The following ZFP37 variants were observed in gnomAD, a reference collection of about 807,000 sequenced individuals.
ZFP37 encodes the protein zinc finger protein 37 homolog.
A neutral mutation model predicts 52.1 loss-of-function variants in ZFP37; 38 were observed. That is an observed-to-expected ratio of 0.73 (90% CI 0.56 to 0.96). The LOEUF is 0.96. Ranked by LOEUF, ZFP37 falls within the 40% of genes least tolerant of loss-of-function variation. ZFP37 has a pLI of 0.00. For synonymous variants in ZFP37, 253 were observed against 259.5 expected, an observed-to-expected ratio of 0.98 and a Z score of 0.24; for missense variants, 695 against 741.4, an observed-to-expected ratio of 0.94 and a Z score of 0.73.
In ZFP37 at chr9:113,056,557, C is replaced by A; in HGVS notation, c.132G>T (p.Ala44=). ...CACCCTGTCTCATCACAGCTCTCAC[C>A]GCGGCGCTGGCCTCGGGCTCGGACA... The part of the protein sequence containing the change: ...MAVSEPEASA[A]EWKQLDPAQS... Residue 44 remains alanine, a splice_region_variant and synonymous_variant, in exon 1 of 4, where the codon GCG becomes GCT. Transcript: ENST00000374227. The A allele has an allele frequency of 6.2e-7, 1 of 1,613,448 alleles. No individual in the cohort carries two copies. Among genetic ancestry groups the A allele is most frequent in the Non-Finnish European group, 8.5e-7 (1 of 1,179,910 alleles).
intron 1 of ZFP37, among the ~76,000 whole-genome samples, chr9:113,054,305 C>G (rs1259884207): frequency 6.6e-6 from 1 of 152,136 alleles, no homozygotes; most frequent in Non-Finnish European, 1.5e-5. Context: ...AATGGGCACC[C>G]CTTATTCTCT....
rs1157016703 is a variant in ZFP37 at position 113,041,979 on chromosome 9, A to T, written c.*746T>A. 2 of 152,294 alleles carry T rather than the reference A, an allele frequency of 1.3e-5. No individual in the cohort carries two copies. The highest frequency in any genetic ancestry group is 3.9e-4 in the East Asian group (2 of 5,188). 9.4% of individuals were successfully genotyped at this position (152,294 alleles called of 1,614,324 possible). A position where few individuals can be genotyped will look rare whatever the true frequency, so the allele number is the denominator to read the frequency against. Reference sequence around the variant, plus strand: ...TTTATTCTGTATTTTTTCAAAGTCTATTCACATACAGATACATGTATATAT... The same window carrying T: ...TTTATTCTGTATTTTTTCAAAGTCTTTTCACATACAGATACATGTATATAT... On this transcript the variant is annotated 3_prime_UTR_variant, in exon 4 of 4. Coordinates refer to ENST00000374227, the MANE Select transcript of ZFP37 (RefSeq NM_003408.3).
chr9:113,055,058 T>A (rs752592234), intron 1 of ZFP37, among the ~76,000 whole-genome samples: 2 of 152,238 alleles, frequency 1.3e-5, no homozygotes, highest in Admixed American at 6.5e-5. Context: ...GATACCTTCC[T>A]ACCACTATGA....
At chr9:113,051,464 G>C (rs926207892) in intron 1 of ZFP37, among the ~76,000 whole-genome samples, 5 of 151,798 alleles carry the variant, frequency 3.3e-5, no homozygotes, top group African/African-American at 4.8e-5. Context: ...GCAGTGGGGT[G>C]GGGGAGCAGA....
In ZFP37 at chr9:113,038,919, TC is replaced by T. The variant is rs1434739207; in HGVS notation, c.*3805del. Reference sequence around the variant, plus strand: ...GGGACTTTGTGGAAAATTTTAATTTTCTTCAATATTGGATTACTCACTTGAT... The same window carrying T: ...GGGACTTTGTGGAAAATTTTAATTTTTTCAATATTGGATTACTCACTTGAT... On this transcript the variant is annotated 3_prime_UTR_variant, in exon 4 of 4. Coordinates refer to ENST00000374227, the MANE Select transcript of ZFP37 (RefSeq NM_003408.3). The T allele has an allele frequency of 6.6e-6, 1 of 152,208 alleles. No homozygotes were observed. Among genetic ancestry groups the T allele is most frequent in the Non-Finnish European group, 1.5e-5 (1 of 68,038 alleles). The allele number at this position is 152,208 out of a possible 1,614,324, so 9.4% of individuals were successfully genotyped here. A position where few individuals can be genotyped will look rare whatever the true frequency, so the allele number is the denominator to read the frequency against.
Position 113,042,682 on chromosome 9 carries a change from C to T in ZFP37, c.*43G>A. ...TTAAAATCAGCATATTTCCAAGGTT[C>T]AACAAAACCTTAAATTTAGTTAACA... On this transcript the variant is annotated 3_prime_UTR_variant, in exon 4 of 4. Transcript: ENST00000374227. 6.7e-7 allele frequency: 1 copy of T among 1,482,364 alleles called. No individual in the cohort carries two copies. The highest frequency in any genetic ancestry group is 9.0e-7 in the Non-Finnish European group (1 of 1,108,446). The allele number at this position is 1,482,364 out of a possible 1,614,324, so 91.8% of individuals were successfully genotyped here. A position where few individuals can be genotyped will look rare whatever the true frequency, so the allele number is the denominator to read the frequency against.
chr9:113,055,647 C>A (rs1268553607), intron 1 of ZFP37, among the ~76,000 whole-genome samples: 1 of 152,130 alleles, frequency 6.6e-6, no homozygotes, highest in Non-Finnish European at 1.5e-5. Context: ...CAATCACTAA[C>A]CTTCACAAAC....
At chr9:113,054,980 A>G (rs1484657489) in intron 1 of ZFP37, among the ~76,000 whole-genome samples, 3 of 152,178 alleles carry the variant, frequency 2.0e-5, no homozygotes, top group Non-Finnish European at 4.4e-5. Context: ...CTTAAACTCA[A>G]TGGCTTCTCA....
rs1237206745 is a variant in ZFP37 at position 113,044,014 on chromosome 9, A to C, written c.604T>G (p.Ser202Ala). The C allele has an allele frequency of 6.2e-7, 1 of 1,613,944 alleles. No individual in the cohort carries two copies. Among genetic ancestry groups the C allele is most frequent in the South Asian group, 1.1e-5 (1 of 91,040 alleles). ...TTCTTGTGTTCTTTAGCTGCATCAG[A>C]TTTCCTTTTTACACAGTTTCTTGAG... ...DHSRNCVKRK[S>A]DAAKEHKKSF... Residue 202 changes from serine (S) to alanine (A), a missense_variant, in exon 4 of 4, where the codon TCT becomes GCT. Physicochemically the swap from Ser to Ala is moderately conservative, Grantham distance 99. This residue lies in a region of ZFP37 where 369 missense variants were observed against 340.9 expected (regional missense o/e 1.08). Coordinates refer to ENST00000374227, the MANE Select transcript of ZFP37 (RefSeq NM_003408.3).
Position 113,040,703 on chromosome 9 carries a change from G to C in ZFP37, c.*2022C>G, listed in dbSNP as rs1222769158. The C allele has an allele frequency of 6.6e-6, 1 of 152,116 alleles. No individual in the cohort carries two copies. Among genetic ancestry groups the C allele is most frequent in the African/African-American group, 2.4e-5 (1 of 41,406 alleles). 9.4% of individuals were successfully genotyped at this position (152,116 alleles called of 1,614,324 possible). Reference sequence around the variant, plus strand: ...TCTAGGTGAAATATTTACTCAACAGGATTGAACATGACTAGACAAGTCCCG... The same window carrying C: ...TCTAGGTGAAATATTTACTCAACAGCATTGAACATGACTAGACAAGTCCCG... On this transcript the variant is annotated 3_prime_UTR_variant, in exon 4 of 4. Coordinates refer to ENST00000374227, the MANE Select transcript of ZFP37 (RefSeq NM_003408.3).
rs967948066 is a variant in ZFP37 at position 113,042,363 on chromosome 9, T to C, written c.*362A>G. ...AACAGATATGCAAATTCAACTCTAA[T>C]ATATGGTGCTTAAGTACAAAACAAG... is the stretch of plus-strand genomic sequence containing the variant. On this transcript the variant is annotated 3_prime_UTR_variant, in exon 4 of 4. Transcript: ENST00000374227. 1 of 179,026 alleles carries C rather than the reference T, an allele frequency of 5.6e-6. No individual in the cohort carries two copies. The highest frequency in any genetic ancestry group is 1.7e-4 in the East Asian group (1 of 6,060). The allele number at this position is 179,026 out of a possible 1,614,324, so 11.1% of individuals were successfully genotyped here.
At chr9:113,051,853 T>C (rs1422254217) in intron 1 of ZFP37, among the ~76,000 whole-genome samples, 1 of 152,172 alleles carries the variant, frequency 6.6e-6, no homozygotes, top group Non-Finnish European at 1.5e-5. Flanking sequence ...GTCACTGGCC[T>C]TCCAATCACT....
chr9:113,049,693 C>T, intron 2 of ZFP37, 98 bp downstream of exon 2: 1 of 1,512,046 alleles, frequency 6.6e-7, no homozygotes, highest in Non-Finnish European at 8.9e-7. Context: ...AAGAAGAAAG[C>T]CCTTTGACCC....
intron 3 of ZFP37, among the ~76,000 whole-genome samples, chr9:113,047,487 C>A (rs1481840680): frequency 6.6e-6 from 1 of 152,008 alleles, no homozygotes; most frequent in East Asian, 1.9e-4. Flanking sequence ...CATGGTGGCT[C>A]ACACCTGTAA....
rs757250018 is a variant in ZFP37 at position 113,049,882 on chromosome 9, A to C, written c.133-10T>G. ...CCAGTTGCTTCCATTCCTTCTGGGT[A>C]AAGGCCATAGTCACATGTTTGAATG... On this transcript the variant is annotated splice_polypyrimidine_tract_variant and intron_variant, in intron 1 of 3. Transcript: ENST00000374227. 4 of 1,614,054 alleles carry C rather than the reference A, an allele frequency of 2.5e-6. No homozygotes were observed. In the South Asian group the frequency reaches 4.4e-5, roughly 18 times the overall value.
At position 113,042,591 on chromosome 9, in the gene ZFP37, A is replaced by T; in HGVS notation, c.*134T>A. ...TTCCATCCACTGATTCTATATGAAG[A>T]TCCATTTTCAAAGTTTCTCATGTAC... On this transcript the variant is annotated 3_prime_UTR_variant, in exon 4 of 4. Coordinates refer to ENST00000374227, the MANE Select transcript of ZFP37 (RefSeq NM_003408.3). 2 of 658,722 alleles carry T rather than the reference A, an allele frequency of 3.0e-6. No individual in the cohort carries two copies. The highest frequency in any genetic ancestry group is 4.8e-6 in the Non-Finnish European group (2 of 415,430). 40.8% of individuals were successfully genotyped at this position (658,722 alleles called of 1,614,324 possible).
rs373933173 is a variant in ZFP37 at position 113,043,180 on chromosome 9, G to A, written c.1438C>T (p.Gln480Ter). Residue 480 changes from glutamine (Q) to a stop codon, truncating the protein, a stop_gained, in exon 4 of 4, where the codon CAA becomes TAA. Transcript: ENST00000374227. LOFTEE classifies it high-confidence loss of function. Reference sequence around the variant, plus strand: ...GGTTTCTCCTTAGTATGAGTTCTTTGATGTATAATGAGGTGTGACTTCTTG... The same window carrying A: ...GGTTTCTCCTTAGTATGAGTTCTTTAATGTATAATGAGGTGTGACTTCTTG... ...FSKKSHLIIH[Q>*]RTHTKEKPYK... is the part of the protein sequence containing the mutation. The A allele has an allele frequency of 6.2e-7, 1 of 1,613,624 alleles. No homozygotes were observed. The highest frequency in any genetic ancestry group is 8.5e-7 in the Non-Finnish European group (1 of 1,179,900).
In ZFP37 at chr9:113,043,712, G is replaced by A. The variant is rs766279780; in HGVS notation, c.906C>T (p.Leu302=). 94 of 1,613,908 alleles carry A rather than the reference G, an allele frequency of 5.8e-5. No individual in the cohort carries two copies. Among genetic ancestry groups the A allele is most frequent in the Non-Finnish European group, 8.0e-5 (94 of 1,179,976 alleles). ...PYECNQCGKV[L]SHKQGLIDHQ... ...GGTCAATGAGTCCTTGTTTATGGCT[G>A]AGAACCTTTCCACATTGATTACATT... is the stretch of plus-strand genomic sequence containing the variant. Residue 302 remains leucine, a synonymous_variant, in exon 4 of 4, where the codon CTC becomes CTT. Transcript: ENST00000374227.
In ZFP37 at chr9:113,049,779, A is replaced by G; in HGVS notation, c.214+12T>C. ...GTGGACACATTTTGAATTACAAAGG[A>G]ATTGTTCTTACCCATTGAGGCTTGG... On this transcript the variant is annotated intron_variant, in intron 2 of 3. Transcript: ENST00000374227. 6.2e-7 allele frequency: 1 copy of G among 1,612,310 alleles called. No individual in the cohort carries two copies. Among genetic ancestry groups the G allele is most frequent in the Non-Finnish European group, 8.5e-7 (1 of 1,179,260 alleles).
Sources: gnomAD v4.1 joint callset for allele counts (sites outside exome capture counted in the v4.1 genomes callset) on GRCh38, gnomAD v4.1.1 for gene constraint, gnomAD v4.1.1 regional missense constraint, MANE v1.5 for transcripts, NCBI Gene and HGNC (gene_info 2026-07-23, HGNC 2026-07-21) for gene names.